SACS: variants seen among roughly 807,000 people sequenced by gnomAD.
SACS encodes sacsin molecular chaperone, also known as sacsin.
In SACS, 197 loss-of-function variants were observed where a neutral mutation model predicts 348.0. The ratio of observed to expected loss-of-function variants is 0.57; its 90% CI spans 0.50 to 0.64. The LOEUF is 0.64. SACS is among the 30% of genes least tolerant of loss of function. The pLI, the probability that SACS is intolerant of heterozygous loss-of-function variation, is 0.00. For synonymous variants in SACS, 1,985 were observed against 1,910.6 expected (o/e 1.04, Z -1.02); for missense variants, 4,999 against 5,360.8 (o/e 0.93, Z 2.11).
At chr13:23,390,997 G>A (rs947036032) in intron 2 of SACS, among the ~76,000 whole-genome samples, 7 of 152,188 alleles carry the variant, frequency 4.6e-5, no homozygotes, top group Non-Finnish European at 8.8e-5. Flanking sequence ...ACTACCACAC[G>A]CCTGCACCCC....
intron 1 of SACS, among the ~76,000 whole-genome samples, chr13:23,418,266 T>G (rs117069024): frequency 0.01 from 1,562 of 152,268 alleles, 11 homozygotes; most frequent in Non-Finnish European, 0.014. Context: ...TTTATATTTA[T>G]CTTTCATATG....
At chr13:23,388,787 G>A (rs1406641395) in intron 2 of SACS, among the ~76,000 whole-genome samples, 6 of 151,874 alleles carry the variant, frequency 4.0e-5, no homozygotes, top group Admixed American at 2.6e-4. Flanking sequence ...TATAACGTGC[G>A]CTACTCAGGT....
chr13:23,398,307 C>G (rs1189273300), intron 2 of SACS, among the ~76,000 whole-genome samples: 1 of 151,930 alleles, frequency 6.6e-6, no homozygotes, highest in African/African-American at 2.4e-5. Flanking sequence ...CCAAGGTGGG[C>G]AGATCACCTG....
intron 9 of SACS, among the ~76,000 whole-genome samples, chr13:23,350,433 C>T (rs935808872): frequency 6.6e-6 from 1 of 151,996 alleles, no homozygotes; most frequent in Non-Finnish European, 1.5e-5. Context: ...GAAGTAAACA[C>T]TAAAAATACA....
chr13:23,403,838 G>A (rs1374376461), intron 2 of SACS, among the ~76,000 whole-genome samples: 1 of 152,076 alleles, frequency 6.6e-6, no homozygotes, highest in Non-Finnish European at 1.5e-5. Flanking sequence ...TGTGATGTTA[G>A]GGTGTCAATT....
At chr13:23,420,174 T>G (rs1251830961) in intron 1 of SACS, among the ~76,000 whole-genome samples, 5 of 152,078 alleles carry the variant, frequency 3.3e-5, no homozygotes, top group Admixed American at 3.3e-4. Flanking sequence ...TGTCCACCTA[T>G]GGATTAGATA....
chr13:23,424,215 T>C (rs987801932), intron 1 of SACS, among the ~76,000 whole-genome samples: 35 of 152,154 alleles, frequency 2.3e-4, no homozygotes, highest in African/African-American at 8.4e-4. Flanking sequence ...CAAACATATG[T>C]TTTGGAGAAT....
At position 23,333,764 on chromosome 13, in the gene SACS, G is replaced by T; in HGVS notation, c.10112C>A (p.Thr3371Asn). The change falls in exon 10 of 10, where the codon ACT (threonine) becomes AAT (asparagine). Residue 3371 changes from threonine to asparagine, a missense_variant. By Grantham distance (65) the Thr-to-Asn change is moderately conservative. Transcript: ENST00000382292. ...ILKALHYMVQ[T>N]STFRAEKLVE... ...TAATTTTTCTGCTCTAAATGTTGAA[G>T]TTTGGACCATATAATGTAGAGCCTT... The T allele has an allele frequency of 1.2e-6, 2 of 1,613,808 alleles. No individual in the cohort carries two copies. Among genetic ancestry groups the T allele is most frequent in the Non-Finnish European group, 1.7e-6 (2 of 1,179,790 alleles).
chr13:23,426,594 G>A (rs1566115032), intron 1 of SACS, among the ~76,000 whole-genome samples: 1 of 146,750 alleles, frequency 6.8e-6, no homozygotes, highest in Non-Finnish European at 1.5e-5. Flanking sequence ...GAGCTGAGAT[G>A]ATGCCATTGC....
rs2137719149 is a variant in SACS at position 23,354,851 on chromosome 13, T to C, written c.1761A>G (p.Thr587=). 1 of 1,614,234 alleles carries C rather than the reference T, an allele frequency of 6.2e-7. No homozygotes were observed. The highest frequency in any genetic ancestry group is 8.5e-7 in the Non-Finnish European group (1 of 1,180,040). ...TCTGGAGGTAGTTGAGCACAGTTTT[T>C]GTGTATTCTAAATTTTCATCAAGTT... is the stretch of plus-strand genomic sequence containing the variant. The part of the protein sequence containing the change: ...FSELDENLEY[T]KTVLNYLQSS... The change falls in exon 8 of 10, where the codon ACA becomes ACG. Residue 587 remains threonine, a synonymous_variant. Coordinates refer to ENST00000382292, the MANE Select transcript of SACS (RefSeq NM_014363.6).
chr13:23,360,541 T>C (rs923395825), intron 6 of SACS, among the ~76,000 whole-genome samples: 1 of 152,098 alleles, frequency 6.6e-6, no homozygotes, highest in African/African-American at 2.4e-5. Context: ...CACATGACAT[T>C]ACCAGGAACA....
intron 2 of SACS, among the ~76,000 whole-genome samples, chr13:23,399,029 A>AAAAAAC (rs1296934055): frequency 6.6e-6 from 1 of 150,458 alleles, no homozygotes; most frequent in Non-Finnish European, 1.5e-5. Context: ...CAAAAAAAAA[A>AAAAAAC]AAAAAAAACA....
At chr13:23,356,498 C>T (rs536822477) in intron 7 of SACS, among the ~76,000 whole-genome samples, 78 of 152,344 alleles carry the variant, frequency 5.1e-4, no homozygotes, top group African/African-American at 1.8e-3. Context: ...GGGGTCTTAA[C>T]CTCTCTGCCT....
Position 23,433,596 on chromosome 13 carries a change from G to T in SACS, c.-502+19C>A. The T allele has an allele frequency of 6.6e-6, 1 of 152,618 alleles. No homozygotes were observed. 9.5% of individuals were successfully genotyped at this position (152,618 alleles called of 1,614,324 possible). A position where few individuals can be genotyped will look rare whatever the true frequency, so the allele number is the denominator to read the frequency against. ...TGCAGCTGCCCTCGCTGGCCACCCA[G>T]CTGGAACCTTGGACTTACTGGGGGC... On this transcript the variant is annotated intron_variant, in intron 1 of 9. Coordinates refer to ENST00000382292, the MANE Select transcript of SACS (RefSeq NM_014363.6).
chr13:23,346,358 C>T (rs1869606468), intron 9 of SACS, among the ~76,000 whole-genome samples: 1 of 152,180 alleles, frequency 6.6e-6, no homozygotes, highest in Non-Finnish European at 1.5e-5. Flanking sequence ...CTTGGCCAAG[C>T]TGGTCTTGAA....
chr13:23,409,346 C>CACCTG (rs1873387745), intron 2 of SACS, among the ~76,000 whole-genome samples: 2 of 145,450 alleles, frequency 1.4e-5, no homozygotes, highest in African/African-American at 2.6e-5. Flanking sequence ...TGAGCCACCG[C>CACCTG]GCTGGCCGTT....
At chr13:23,380,148 T>TGTGTGTGTGA (rs35527942) in intron 2 of SACS, among the ~76,000 whole-genome samples, 21 of 147,782 alleles carry the variant, frequency 1.4e-4, no homozygotes, top group African/African-American at 4.5e-4. Context: ...TGTGTGTGTG[T>TGTGTGTGTGA]GAGAGAGAGA....
intron 6 of SACS, among the ~76,000 whole-genome samples, chr13:23,363,222 T>C (rs565706439): frequency 7.1e-6 from 1 of 141,668 alleles, no homozygotes; most frequent in African/African-American, 2.7e-5. Context: ...ATTTATTTTT[T>C]ACTTACTTAT....
At chr13:23,375,405 C>T (rs1871704103) in intron 2 of SACS, 136 bp from the exon 3 acceptor site, 5 of 1,229,274 alleles carry the variant, frequency 4.1e-6, no homozygotes, top group Non-Finnish European at 5.1e-6. Context: ...CTGACGCCGG[C>T]GCCCGATCAC....
Sources: allele counts gnomAD v4.1 joint callset (sites outside exome capture counted in the v4.1 genomes callset), GRCh38; gene constraint gnomAD v4.1.1; transcripts MANE v1.5; gene names NCBI Gene and HGNC (gene_info 2026-07-23, HGNC 2026-07-21).